TAS2R1: variants seen among roughly 807,000 people sequenced by gnomAD.
The protein encoded by TAS2R1 is taste receptor type 2 member 1.
For synonymous variants in TAS2R1, 141 were observed against 134.2 expected (o/e 1.05, Z -0.35); for missense variants, 370 against 353.4 (o/e 1.05, Z -0.38).
At chr5:9,725,647 C>A in the TAS2R1 span, among the ~76,000 whole-genome samples, 3 of 151,944 alleles carry the variant, frequency 2.0e-5, no homozygotes, top group Non-Finnish European at 2.9e-5. Flanking sequence ...CCAGCCTCCC[C>A]GACGAGCACC....
the TAS2R1 span, among the ~76,000 whole-genome samples, chr5:9,888,023 C>A: frequency 9.2e-5 from 14 of 152,038 alleles, no homozygotes; most frequent in Non-Finnish European, 1.6e-4. Context: ...AATAAGCAGC[C>A]CCGCTGAGAG....
At chr5:9,655,733 A>G (rs1740403768) in intron 2 of TAS2R1, among the ~76,000 whole-genome samples, 1 of 152,150 alleles carries the variant, frequency 6.6e-6, no homozygotes. Context: ...TCACAAGAAA[A>G]AACACACACT....
chr5:9,889,755 A>T, the TAS2R1 span: 1 of 152,224 alleles, frequency 6.6e-6, no homozygotes, highest in Non-Finnish European at 1.5e-5. Flanking sequence ...GTCTGAAAGA[A>T]GTGGATACCA....
At chr5:9,635,483 C>T (rs1465694614) in intron 2 of TAS2R1, among the ~76,000 whole-genome samples, 1 of 152,034 alleles carries the variant, frequency 6.6e-6, no homozygotes, top group African/African-American at 2.4e-5. Context: ...GGAGGATTCC[C>T]TCTTTCTCTA....
At chr5:9,855,686 T>C in the TAS2R1 span, among the ~76,000 whole-genome samples, 1 of 152,240 alleles carries the variant, frequency 6.6e-6, no homozygotes, top group African/African-American at 2.4e-5. Flanking sequence ...TTGAGCCATT[T>C]GAGTATAGCA....
At chr5:9,639,102 C>T (rs2126479602) in intron 2 of TAS2R1, among the ~76,000 whole-genome samples, 1 of 152,324 alleles carries the variant, frequency 6.6e-6, no homozygotes, top group South Asian at 2.1e-4. Flanking sequence ...CCTGCAGCAG[C>T]TCCCACTCAC....
chr5:9,670,728 A>G (rs998736627), intron 1 of TAS2R1, among the ~76,000 whole-genome samples: 5 of 152,348 alleles, frequency 3.3e-5, no homozygotes, highest in Middle Eastern at 3.4e-3. Context: ...AAGAGCTGGT[A>G]TCATTTCTAC....
At chr5:9,656,077 A>G (rs914447400) in intron 2 of TAS2R1, among the ~76,000 whole-genome samples, 1 of 152,054 alleles carries the variant, frequency 6.6e-6, no homozygotes, top group African/African-American at 2.4e-5. Flanking sequence ...CTTACTATCC[A>G]GTTTTCCTAC....
intron 2 of TAS2R1, among the ~76,000 whole-genome samples, chr5:9,650,667 T>C (rs909675670): frequency 6.6e-6 from 1 of 152,124 alleles, no homozygotes; most frequent in African/African-American, 2.4e-5. Flanking sequence ...CATCTCTATT[T>C]AAATTTCACT....
At chr5:9,898,818 G>C in the TAS2R1 span, among the ~76,000 whole-genome samples, 1 of 152,190 alleles carries the variant, frequency 6.6e-6, no homozygotes, top group African/African-American at 2.4e-5. Flanking sequence ...AGAGGGGCCT[G>C]GACAGGGATT....
At chr5:9,789,415 G>GA in the TAS2R1 span, among the ~76,000 whole-genome samples, 1 of 152,180 alleles carries the variant, frequency 6.6e-6, no homozygotes, top group Non-Finnish European at 1.5e-5. Context: ...CAACATGCTT[G>GA]AAAAATGGGC....
At chr5:9,730,399 C>T in the TAS2R1 span, among the ~76,000 whole-genome samples, 1 of 152,180 alleles carries the variant, frequency 6.6e-6, no homozygotes, top group African/African-American at 2.4e-5. Flanking sequence ...CACAAGACAA[C>T]CTTTTGGAAA....
chr5:9,729,785 A>G, the TAS2R1 span, among the ~76,000 whole-genome samples: 1 of 152,204 alleles, frequency 6.6e-6, no homozygotes, highest in South Asian at 2.1e-4. Flanking sequence ...GTATCTGCCA[A>G]TATGTGGGCC....
At chr5:9,900,709 G>A in the TAS2R1 span, among the ~76,000 whole-genome samples, 10 of 146,556 alleles carry the variant, frequency 6.8e-5, no homozygotes, top group Admixed American at 1.4e-4. Flanking sequence ...CAAGCTCCGC[G>A]TCCCGGGTTC....
At chr5:9,847,849 G>A in the TAS2R1 span, among the ~76,000 whole-genome samples, 12 of 152,200 alleles carry the variant, frequency 7.9e-5, no homozygotes, top group Non-Finnish European at 1.3e-4. Context: ...GAGGTCATCT[G>A]GGCAGGGCAC....
intron 1 of TAS2R1, among the ~76,000 whole-genome samples, chr5:9,668,088 T>C (rs1579775339): frequency 6.6e-6 from 1 of 152,152 alleles, no homozygotes; most frequent in African/African-American, 2.4e-5. Flanking sequence ...ACTGATCTGA[T>C]AGAGTTGAAA....
the TAS2R1 span, among the ~76,000 whole-genome samples, chr5:9,818,597 C>T: frequency 6.6e-6 from 1 of 152,214 alleles, no homozygotes; most frequent in South Asian, 2.1e-4. Context: ...CCTCTTCATA[C>T]AGCAGGCAAA....
the TAS2R1 span, among the ~76,000 whole-genome samples, chr5:9,738,617 G>A: frequency 2.2e-3 from 331 of 152,232 alleles, 3 homozygotes; most frequent in African/African-American, 7.6e-3. Context: ...GGAGGCCCTC[G>A]TGGGTGATCA....
At chr5:9,631,212 C>G (rs1739866962), upstream of TAS2R1, among the ~76,000 whole-genome samples, 1 of 152,070 alleles carries the variant, frequency 6.6e-6, no homozygotes, top group Admixed American at 6.5e-5. Context: ...GCAGAATGAG[C>G]CACATATATA....
Sources: allele counts gnomAD v4.1 joint callset (sites outside exome capture counted in the v4.1 genomes callset), GRCh38; gene constraint gnomAD v4.1.1; transcripts MANE v1.5; gene names NCBI Gene and HGNC (gene_info 2026-07-23, HGNC 2026-07-21).